NRXN3: variants seen among roughly 807,000 people sequenced by gnomAD.
NRXN3 encodes the protein neurexin III.
NRXN3 carries 32 observed loss-of-function variants against 137.6 expected under a neutral mutation model. The ratio of observed to expected loss-of-function variants is 0.23; its 90% CI spans 0.18 to 0.31. The LOEUF (loss-of-function observed/expected upper bound fraction) is 0.31. Ranked by LOEUF, NRXN3 falls within the 10% of genes least tolerant of loss-of-function variation. NRXN3 has a pLI of 1.00. For synonymous variants in NRXN3, 798 were observed against 784.5 expected (o/e 1.02, Z -0.29); for missense variants, 1,574 against 2,062.5 (o/e 0.76, Z 4.59).
chr14:79,206,102 G>A (rs2066742590), intron 15 of NRXN3, among the ~76,000 whole-genome samples: 1 of 151,990 alleles, frequency 6.6e-6, no homozygotes, highest in Non-Finnish European at 1.5e-5. Context: ...CTGCCCAAAT[G>A]GAATGTGACT....
Position 78,918,285 on chromosome 14 carries a change from C to CAAAA in NRXN3, c.2276-38938_2276-38935dup, listed in dbSNP as rs71454807. On this transcript the variant is annotated intron_variant, in intron 10 of 20. Transcript: ENST00000335750. ...GGGCAACAAGAGCGAAACTCCATCT[C>CAAAA]AAAAAAAAAAAAAAAAAAAAAAGAG... 3.4e-3 allele frequency among the ~76,000 whole-genome samples: 116 copies of CAAAA among 34,390 alleles called. 1 individual carries two copies. The highest frequency in any genetic ancestry group is 5.1e-3 in the African/African-American group (40 of 7,804). 22.6% of individuals were successfully genotyped at this position (34,390 alleles called of 152,430 possible).
chr14:78,208,807 G>A (rs1350384215), intron 1 of NRXN3, among the ~76,000 whole-genome samples: 1 of 152,224 alleles, frequency 6.6e-6, no homozygotes, highest in African/African-American at 2.4e-5. Flanking sequence ...TCAGCACATG[G>A]TAAGCTCACA....
At chr14:78,521,459 A>G (rs950845540) in intron 4 of NRXN3, among the ~76,000 whole-genome samples, 1 of 152,362 alleles carries the variant, frequency 6.6e-6, no homozygotes, top group African/African-American at 2.4e-5. Flanking sequence ...AAAGTCACAT[A>G]TACAGAGAGC....
chr14:78,408,944 G>A (rs1352736823), intron 4 of NRXN3, among the ~76,000 whole-genome samples: 1 of 152,248 alleles, frequency 6.6e-6, no homozygotes, highest in Non-Finnish European at 1.5e-5. Context: ...AACTAACAGA[G>A]TGAGGATGGT....
chr14:78,403,603 T>TGCAG, intron 4 of NRXN3: 1 of 486,260 alleles, frequency 2.1e-6, no homozygotes, highest in Non-Finnish European at 2.7e-6. Flanking sequence ...CCCAGATGTG[T>TGCAG]GCAGGTTTCT....
intron 10 of NRXN3, among the ~76,000 whole-genome samples, chr14:78,952,453 C>T (rs949825367): frequency 7.2e-5 from 11 of 152,234 alleles, no homozygotes; most frequent in African/African-American, 2.4e-4. Flanking sequence ...CCTGCTTTTA[C>T]TTGCCTGATC....
At chr14:78,273,782 A>G (rs2073157516) in intron 2 of NRXN3, among the ~76,000 whole-genome samples, 1 of 152,180 alleles carries the variant, frequency 6.6e-6, no homozygotes. Flanking sequence ...GGGTGGTGGC[A>G]TTTTCCCCTG....
At position 78,391,396 on chromosome 14, in the gene NRXN3, C is replaced by T. The variant is rs35527081; in HGVS notation, c.757+93536C>T. Among the ~76,000 whole-genome samples the T allele has an allele frequency of 7.6e-3, 1,153 of 152,170 alleles. 7 individuals carry two copies. The highest frequency in any genetic ancestry group is 0.014 in the South Asian group (67 of 4,800). ...TTTTTGTGGCAGGTGTGGCTATGTG[C>T]TCATGGGCTACTAAAGCGAGGCTTC... On this transcript the variant is annotated intron_variant, in intron 4 of 20. Coordinates refer to ENST00000335750, the MANE Select transcript of NRXN3 (RefSeq NM_001330195.2).
At chr14:79,370,313 GT>G (rs201167922) in intron 15 of NRXN3, among the ~76,000 whole-genome samples, 1 of 111,328 alleles carries the variant, frequency 9.0e-6, no homozygotes, top group Non-Finnish European at 2.0e-5. Context: ...GTTTTTTTGG[GT>G]TTTTTTTTGT....
intron 17 of NRXN3, among the ~76,000 whole-genome samples, chr14:79,670,857 T>G (rs1482245980): frequency 1.3e-5 from 2 of 152,162 alleles, no homozygotes; most frequent in African/African-American, 4.8e-5. Context: ...CTTGACTTTC[T>G]ACAATGAAGT....
intron 6 of NRXN3, among the ~76,000 whole-genome samples, chr14:78,677,684 G>C (rs890152947): frequency 6.6e-6 from 1 of 152,162 alleles, no homozygotes; most frequent in Non-Finnish European, 1.5e-5. Flanking sequence ...AAGAAGTTCA[G>C]CTGAAGGTAA....
At chr14:79,189,538 TTAA>T in intron 15 of NRXN3, among the ~76,000 whole-genome samples, 1 of 151,486 alleles carries the variant, frequency 6.6e-6, no homozygotes, top group South Asian at 2.1e-4. Context: ...GAAGTATAAT[TTAA>T]AAAAAAAAAA....
At chr14:79,167,936 G>GTTTTTTT (rs59584874) in intron 15 of NRXN3, among the ~76,000 whole-genome samples, 13 of 133,906 alleles carry the variant, frequency 9.7e-5, no homozygotes, top group African/African-American at 3.2e-4. Flanking sequence ...TTCTTTCCTT[G>GTTTTTTT]TTTTTTTTTT....
intron 4 of NRXN3, among the ~76,000 whole-genome samples, chr14:78,519,514 T>C (rs2096257273): frequency 6.6e-6 from 1 of 152,190 alleles, no homozygotes; most frequent in African/African-American, 2.4e-5. Flanking sequence ...ATTTACTCAG[T>C]ACACATTAAT....
At chr14:78,910,383 T>G (rs763511683) in intron 10 of NRXN3, among the ~76,000 whole-genome samples, 4 of 152,162 alleles carry the variant, frequency 2.6e-5, no homozygotes, top group Admixed American at 2.0e-4. Context: ...AGCACTTCCT[T>G]GGCCAATAGT....
At chr14:79,230,071 A>C (rs985079730) in intron 15 of NRXN3, among the ~76,000 whole-genome samples, 2 of 152,184 alleles carry the variant, frequency 1.3e-5, no homozygotes, top group Non-Finnish European at 2.9e-5. Context: ...TAAATGCAGC[A>C]ATCTGCTGCA....
intron 8 of NRXN3, among the ~76,000 whole-genome samples, chr14:78,791,740 T>C (rs1393539679): frequency 1.3e-5 from 2 of 152,170 alleles, no homozygotes; most frequent in Non-Finnish European, 2.9e-5. Context: ...ACTTCTGGAA[T>C]AGGACACTTA....
intron 7 of NRXN3, among the ~76,000 whole-genome samples, chr14:78,711,163 G>A (rs113556346): frequency 1.3e-5 from 2 of 151,982 alleles, no homozygotes; most frequent in Admixed American, 6.6e-5. Context: ...GTTAGGTCAC[G>A]GTGGACGGGT....
Position 78,715,083 on chromosome 14 carries a change from A to C in NRXN3, c.1988A>C (p.Asn663Thr), listed in dbSNP as rs759098463. 2 of 1,613,088 alleles carry C rather than the reference A, an allele frequency of 1.2e-6. No individual in the cohort carries two copies. The highest frequency in any genetic ancestry group is 2.2e-5 in the South Asian group (2 of 91,078). The change falls in exon 8 of 21, where the codon AAC becomes ACC. Residue 663 changes from asparagine (N) to threonine (T), a missense_variant. This residue lies in a region of NRXN3 where 718 missense variants were observed against 887.6 expected (regional missense o/e 0.81). Coordinates refer to ENST00000335750, the MANE Select transcript of NRXN3 (RefSeq NM_001330195.2). ...AATGCTGTGTGCAAGGACGGCTGGA[A>C]CCGCTTCATCTGCGACTGCACCGGC... The part of the protein sequence containing the change: ...KNNAVCKDGW[N>T]RFICDCTGTG...
Sources: gnomAD v4.1 joint callset for allele counts (sites outside exome capture counted in the v4.1 genomes callset) on GRCh38, gnomAD v4.1.1 for gene constraint, gnomAD v4.1.1 regional missense constraint, MANE v1.5 for transcripts, NCBI Gene and HGNC (gene_info 2026-07-23, HGNC 2026-07-21) for gene names.